The following FSD1L variants were observed in gnomAD, a reference collection of about 807,000 sequenced individuals.
The protein encoded by FSD1L is FSD1-like protein.
FSD1L carries 45 observed loss-of-function variants against 71.6 expected under a neutral mutation model. The ratio of observed to expected loss-of-function variants is 0.63; its 90% CI spans 0.49 to 0.81. The LOEUF (loss-of-function observed/expected upper bound fraction) is 0.81. Ranked by LOEUF, FSD1L falls within the 30% of genes least tolerant of loss-of-function variation. The probability of loss-of-function intolerance (pLI) is 0.00; values close to 1 mark genes in which losing one functional copy is unlikely to be tolerated. For synonymous variants in FSD1L, 197 were observed against 207.2 expected (o/e 0.95, Z 0.42); for missense variants, 561 against 618.1 (o/e 0.91, Z 0.98).
intron 10 of FSD1L, among the ~76,000 whole-genome samples, chr9:105,519,939 C>T (rs990500873): frequency 6.6e-6 from 1 of 152,212 alleles, no homozygotes; most frequent in Non-Finnish European, 1.5e-5. Flanking sequence ...GCCTTGGAGC[C>T]GCGGCGCGAG....
At chr9:105,466,692 CA>C (rs11300881) in intron 3 of FSD1L, among the ~76,000 whole-genome samples, 79,840 of 143,390 alleles carry the variant, frequency 0.56, 21,778 homozygotes, top group African/African-American at 0.63. Flanking sequence ...GACTCTGTCT[CA>C]AAAAAAAAAA....
In FSD1L at chr9:105,535,334, C is replaced by T. The variant is rs1259129368; in HGVS notation, c.1378+16C>T. On this transcript the variant is annotated intron_variant, in intron 12 of 13. Transcript: ENST00000481272. ...TTTGATGGGGGTAAGTTTATTTTCTCGTAGGTTATTTCATCATAGTTGCTT... is the reference window on the plus strand; with the variant it reads ...TTTGATGGGGGTAAGTTTATTTTCTTGTAGGTTATTTCATCATAGTTGCTT... The T allele has an allele frequency of 7.7e-6, 12 of 1,550,266 alleles. No individual in the cohort carries two copies. Among genetic ancestry groups the T allele is most frequent in the Non-Finnish European group, 1.0e-5 (12 of 1,146,418 alleles).
At chr9:105,533,952 A>G (rs1278977618) in intron 10 of FSD1L, among the ~76,000 whole-genome samples, 2 of 151,888 alleles carry the variant, frequency 1.3e-5, no homozygotes, top group East Asian at 3.9e-4. Context: ...CGAACTCCCG[A>G]CCTCAGGTGA....
At position 105,508,712 on chromosome 9, in the gene FSD1L, A is replaced by C. The variant is rs1834217987; in HGVS notation, c.892A>C (p.Lys298Gln). 1 of 1,532,576 alleles carries C rather than the reference A, an allele frequency of 6.5e-7. No homozygotes were observed. Among genetic ancestry groups the C allele is most frequent in the South Asian group, 1.2e-5 (1 of 83,532 alleles). The allele number at this position is 1,532,576 out of a possible 1,614,324, so 94.9% of individuals were successfully genotyped here. Residue 298 changes from lysine to glutamine, a missense_variant, in exon 9 of 14, where the codon AAA (lysine) becomes CAA (glutamine). Physicochemically the swap from Lys to Gln is moderately conservative, Grantham distance 53 (BLOSUM62 1). Transcript: ENST00000481272. The part of the protein sequence containing the change: ...EYSDPVTLET[K>Q]ALNFNLDNSS... ...TTCTGATCCAGTGACTCTAGAGACC[A>C]AAGGTGAGATCAGTAGCTCTTTATA...
At position 105,550,262 on chromosome 9, in the gene FSD1L, C is replaced by CTGCA. The variant is rs1355759528; in HGVS notation, c.*3781_*3784dup. The CTGCA allele has an allele frequency of 5.3e-5, 8 of 151,864 alleles. No individual in the cohort carries two copies. The highest frequency in any genetic ancestry group is 1.9e-4 in the African/African-American group (8 of 41,390). 9.4% of individuals were successfully genotyped at this position (151,864 alleles called of 1,614,324 possible). A position where few individuals can be genotyped will look rare whatever the true frequency, so the allele number is the denominator to read the frequency against. The stretch of plus-strand genomic sequence containing the variant: ...GTTTGCTAAAAAAAAATCAAATTAA[C>CTGCA]TGCATATAAAATGGTTCACTTTTAT... On this transcript the variant is annotated 3_prime_UTR_variant, in exon 14 of 14. Transcript: ENST00000481272.
At chr9:105,519,685 CCAGTAT>C (rs1179211899) in intron 10 of FSD1L, among the ~76,000 whole-genome samples, 9 of 152,214 alleles carry the variant, frequency 5.9e-5, no homozygotes, top group African/African-American at 2.2e-4. Context: ...AAACCCACAG[CCAGTAT>C]CATACTGAAT....
intron 10 of FSD1L, among the ~76,000 whole-genome samples, chr9:105,528,357 G>A (rs927282925): frequency 1.3e-5 from 2 of 152,172 alleles, no homozygotes; most frequent in Admixed American, 6.5e-5. Flanking sequence ...AAAGCTAGAG[G>A]CATCATGCTA....
At chr9:105,509,856 A>C (rs1834294027) in intron 9 of FSD1L, among the ~76,000 whole-genome samples, 2 of 152,232 alleles carry the variant, frequency 1.3e-5, no homozygotes, top group African/African-American at 4.8e-5. Context: ...GTTTCTGTAG[A>C]GGTTTTTACC....
At chr9:105,488,814 A>G (rs1040104422) in intron 7 of FSD1L, among the ~76,000 whole-genome samples, 8 of 126,162 alleles carry the variant, frequency 6.3e-5, no homozygotes, top group South Asian at 2.4e-4. Context: ...TTTTTTTTAC[A>G]TTGGGTTTTT....
rs545705422 is a variant in FSD1L at position 105,452,588 on chromosome 9, G to A, written c.15+4353G>A. Among the ~76,000 whole-genome samples, 6 of 151,824 alleles carry A rather than the reference G, an allele frequency of 4.0e-5. No individual in the cohort carries two copies. In the South Asian group the frequency reaches 1.3e-3, roughly 32 times the overall value. Reference sequence around the variant, plus strand: ...TGTAACAGGGATAAGCCCCTATAAAGCAGGGTTCCCTCCCTCCCTCCCTCC... The same window carrying A: ...TGTAACAGGGATAAGCCCCTATAAAACAGGGTTCCCTCCCTCCCTCCCTCC... On this transcript the variant is annotated intron_variant, in intron 1 of 13. Transcript: ENST00000481272.
Position 105,479,185 on chromosome 9 carries a change from A to C in FSD1L, c.442-169A>C, listed in dbSNP as rs559959590. Among the ~76,000 whole-genome samples, 4 of 152,326 alleles carry C rather than the reference A, an allele frequency of 2.6e-5. No homozygotes were observed. The East Asian group carries it at 7.7e-4, about 29-fold the overall frequency. On this transcript the variant is annotated intron_variant, in intron 5 of 13. Transcript: ENST00000481272. ...CTACTATAATTCTAACATCACATGA[A>C]AGCTTATGTGAACTATACACATAAA...
chr9:105,502,768 T>C (rs1188779225), intron 7 of FSD1L, among the ~76,000 whole-genome samples: 1 of 151,768 alleles, frequency 6.6e-6, no homozygotes, highest in East Asian at 1.9e-4. Context: ...TATTGTACAG[T>C]CAAATAGATT....
chr9:105,470,330 G>A (rs915966704), intron 4 of FSD1L, among the ~76,000 whole-genome samples: 17 of 152,072 alleles, frequency 1.1e-4, no homozygotes, highest in African/African-American at 3.9e-4. Flanking sequence ...TGAATTTATA[G>A]ATTGCTTTGG....
intron 8 of FSD1L, 27 bp downstream of exon 8, chr9:105,506,635 C>A: frequency 7.3e-7 from 1 of 1,379,066 alleles, no homozygotes; most frequent in Non-Finnish European, 1.0e-6. Flanking sequence ...TTAGGACTCT[C>A]ATTCTCAGAA....
intron 10 of FSD1L, among the ~76,000 whole-genome samples, chr9:105,513,381 C>G (rs924347740): frequency 6.6e-6 from 1 of 152,148 alleles, no homozygotes; most frequent in Non-Finnish European, 1.5e-5. Flanking sequence ...CCTTTTGTTA[C>G]TGTCATAACT....
chr9:105,476,257 A>C (rs1831793953), intron 5 of FSD1L, among the ~76,000 whole-genome samples: 1 of 152,314 alleles, frequency 6.6e-6, no homozygotes, highest in Admixed American at 6.5e-5. Context: ...CATTCATATC[A>C]GAGATGGTGC....
chr9:105,465,688 T>C (rs1831014465), intron 3 of FSD1L, among the ~76,000 whole-genome samples: 1 of 152,140 alleles, frequency 6.6e-6, no homozygotes, highest in African/African-American at 2.4e-5. Flanking sequence ...AGAAAAAGAA[T>C]TTGACAGAAT....
chr9:105,502,037 C>G (rs79728760), intron 7 of FSD1L, among the ~76,000 whole-genome samples: 1 of 151,934 alleles, frequency 6.6e-6, no homozygotes, highest in Admixed American at 6.6e-5. Context: ...TACTGCTCTT[C>G]GATTTTATAT....
At chr9:105,471,783 TTTTCCTC>T (rs1831489257) in intron 4 of FSD1L, 114 bp from the exon 5 acceptor site, 6 of 361,154 alleles carry the variant, frequency 1.7e-5, no homozygotes, top group Non-Finnish European at 5.0e-6. Flanking sequence ...ACTGAAATGT[TTTTCCTC>T]TATTATTGCT....
Sources: gnomAD v4.1 joint callset for allele counts (sites outside exome capture counted in the v4.1 genomes callset) on GRCh38, gnomAD v4.1.1 for gene constraint, MANE v1.5 for transcripts, NCBI Gene and HGNC (gene_info 2026-07-23, HGNC 2026-07-21) for gene names.